MAST3: variants seen among roughly 807,000 people sequenced by gnomAD.
MAST3 encodes the protein microtubule-associated serine/threonine-protein kinase 3.
In MAST3, 43 loss-of-function variants were observed where a neutral mutation model predicts 127.0. The ratio of observed to expected loss-of-function variants is 0.34; its 90% CI spans 0.27 to 0.44. The LOEUF (loss-of-function observed/expected upper bound fraction) is 0.44, where lower values mean the gene tolerates loss of function less well. MAST3 is among the 20% of genes least tolerant of loss of function. MAST3 has a pLI of 1.00. For synonymous variants in MAST3, 785 were observed against 809.2 expected (o/e 0.97, Z 0.51); for missense variants, 1,390 against 1,919.1 (o/e 0.72, Z 5.15).
chr19:18,111,262 G>A (rs1187462354), intron 3 of MAST3, among the ~76,000 whole-genome samples: 1 of 148,796 alleles, frequency 6.7e-6, no homozygotes, highest in Non-Finnish European at 1.5e-5. Flanking sequence ...GAGAGGAGAT[G>A]CCAGTTTTCC....
At position 18,128,554 on chromosome 19, in the gene MAST3, T is replaced by C. The variant is rs557844007; in HGVS notation, c.1137+96T>C. ...GGGCTGGGTTTGCCGAGGTCTTGCA[T>C]GTAGCTTAATTAGCATCGGTGACTT... On this transcript the variant is annotated intron_variant, in intron 12 of 27. Transcript: ENST00000687212. 17 of 1,260,580 alleles carry C rather than the reference T, an allele frequency of 1.3e-5. No individual in the cohort carries two copies. The East Asian group carries it at 2.3e-4, about 17-fold the overall frequency. The allele number at this position is 1,260,580 out of a possible 1,614,324, so 78.1% of individuals were successfully genotyped here.
chr19:18,138,696 AC>A (rs200798575), intron 19 of MAST3, among the ~76,000 whole-genome samples: 16,635 of 152,114 alleles, frequency 0.11, 1,150 homozygotes, highest in Admixed American at 0.15. Flanking sequence ...ATGGGGTTTC[AC>A]CATGTTGGCC....
rs1482851990 is a variant in MAST3, at chr19:18,109,188, G to A, written c.72-1464G>A. ...TTAGAAGAACAGCATGAAGACAAGG[G>A]TAGCTGAGTGGAGTGAGTGGAGATG... On this transcript the variant is annotated intron_variant, in intron 2 of 27. Coordinates refer to ENST00000687212, the MANE Select transcript of MAST3 (RefSeq NM_001393504.1). Among the ~76,000 whole-genome samples the A allele has an allele frequency of 5.3e-5, 8 of 151,642 alleles. No individual in the cohort carries two copies. In the East Asian group the frequency reaches 7.8e-4, roughly 15 times the overall value.
At chr19:18,102,442 G>C (rs578185965) in intron 1 of MAST3, among the ~76,000 whole-genome samples, 122 of 149,894 alleles carry the variant, frequency 8.1e-4, no homozygotes, top group African/African-American at 2.9e-3. Context: ...GCCTCCCAAA[G>C]TCCTGGGATT....
At chr19:18,101,894 T>TC (rs1257872959) in intron 1 of MAST3, among the ~76,000 whole-genome samples, 1 of 140,990 alleles carries the variant, frequency 7.1e-6, no homozygotes, top group East Asian at 2.0e-4. Context: ...TTTTTTTTTT[T>TC]TTTTTTTTTT....
chr19:18,147,520 A>G lies in MAST3; in HGVS notation c.3404A>G (p.His1135Arg), dbSNP rs1340356590. The G allele has an allele frequency of 6.2e-7, 1 of 1,611,372 alleles. No homozygotes were observed. The highest frequency in any genetic ancestry group is 1.7e-5 in the Admixed American group (1 of 59,708). The change falls in exon 27 of 28, where the codon CAC becomes CGC. Residue 1135 changes from histidine (H) to arginine (R), a missense_variant. His to Arg is a conservative substitution (Grantham distance 29, BLOSUM62 0). Transcript: ENST00000687212. ...AGCCGCAGCTTCTCCTCCGGACTCCACCACTCACTGTCATCCAGTGAGAGC... is the reference window on the plus strand; with the variant it reads ...AGCCGCAGCTTCTCCTCCGGACTCCGCCACTCACTGTCATCCAGTGAGAGC... Reference protein sequence around the residue: ...HTSRSFSSGLHHSLSSSESLP... With the variant: ...HTSRSFSSGLRHSLSSSESLP...
chr19:18,142,649 CT>C (rs112135955), intron 21 of MAST3, among the ~76,000 whole-genome samples: 1,559 of 143,174 alleles, frequency 0.011, 14 homozygotes, highest in South Asian at 0.017. Flanking sequence ...TGTGCCCGGC[CT>C]TTTTTTTTTT....
At chr19:18,122,791 C>A in intron 6 of MAST3, 40 bp downstream of exon 6, 2 of 1,588,416 alleles carry the variant, frequency 1.3e-6, no homozygotes, top group Non-Finnish European at 8.6e-7. Context: ...CAGGCAGATG[C>A]CGGGTTGTGG....
chr19:18,145,599 A>G lies in MAST3; in HGVS notation c.3040-144A>G. On this transcript the variant is annotated intron_variant, in intron 24 of 27. Coordinates refer to ENST00000687212, the MANE Select transcript of MAST3 (RefSeq NM_001393504.1). This position sits in a 1 kb window ranked among gnomAD's most constrained non-coding sequence, Gnocchi z 5.9. The stretch of plus-strand genomic sequence containing the variant: ...GTAGGAGCTGGGGCTTTGATGGGTG[A>G]GTAGGAGTTCCCCCAGGATCAGGGA... 1.1e-6 allele frequency: 1 copy of G among 892,824 alleles called. No individual in the cohort carries two copies. Among genetic ancestry groups the G allele is most frequent in the South Asian group, 1.9e-5 (1 of 52,046 alleles). 55.3% of individuals were successfully genotyped at this position (892,824 alleles called of 1,614,324 possible). A position where few individuals can be genotyped will look rare whatever the true frequency, so the allele number is the denominator to read the frequency against.
At chr19:18,127,538 G>A (rs2040797583) in intron 11 of MAST3, among the ~76,000 whole-genome samples, 1 of 152,194 alleles carries the variant, frequency 6.6e-6, no homozygotes, top group African/African-American at 2.4e-5. Flanking sequence ...ACAAAAGTTA[G>A]CCAGGTGTGG....
At chr19:18,101,336 T>TTCC (rs147438175) in intron 1 of MAST3, among the ~76,000 whole-genome samples, 35,089 of 143,164 alleles carry the variant, frequency 0.25, 4,313 homozygotes, top group Non-Finnish European at 0.25. Context: ...TCCACTTATT[T>TTCC]TCCTCCTCCT....
chr19:18,132,326 GGGGAGA>G (rs1311924250), intron 15 of MAST3, among the ~76,000 whole-genome samples: 1 of 152,178 alleles, frequency 6.6e-6, no homozygotes, highest in African/African-American at 2.4e-5. Flanking sequence ...TGCCAATCCA[GGGGAGA>G]GGATGTGCAC....
At chr19:18,118,008 C>G in intron 3 of MAST3, 1 of 628,490 alleles carries the variant, frequency 1.6e-6, no homozygotes, top group Non-Finnish European at 2.0e-6. Context: ...GTTCCAGTCG[C>G]GCTCGGGGGC....
At chr19:18,102,331 C>A (rs969607961) in intron 1 of MAST3, among the ~76,000 whole-genome samples, 5 of 152,184 alleles carry the variant, frequency 3.3e-5, no homozygotes, top group African/African-American at 9.7e-5. Flanking sequence ...AGGCATGCGC[C>A]ACCACATCCT....
Position 18,145,067 on chromosome 19 carries a change from G to A in MAST3, c.2877G>A (p.Ser959=), listed in dbSNP as rs200229520. Residue 959 remains serine, a synonymous_variant, in exon 24 of 28, where the codon TCG becomes TCA. Transcript: ENST00000687212. The surrounding 1 kb of genome is among the most constrained non-coding windows in gnomAD (Gnocchi z 5.9). ...CGCGCTCTCTGTCCTCGAACCCGTC[G>A]TCCCGTGACTCTTCGCCGAGCCGAG... is the stretch of plus-strand genomic sequence containing the variant. The part of the protein sequence containing the change: ...LSPRSLSSNP[S]SRDSSPSRDP... The A allele has an allele frequency of 3.7e-6, 6 of 1,612,038 alleles. No individual in the cohort carries two copies. Among genetic ancestry groups the A allele is most frequent in the Middle Eastern group, 1.6e-4 (1 of 6,062 alleles).
At position 18,145,138 on chromosome 19, in the gene MAST3, A is replaced by G. The variant is rs2042898989; in HGVS notation, c.2948A>G (p.His983Arg). ...CGSLRPPIVI[H>R]SSGKKYGFSL... ...AGCCTGCGGCCCCCCATCGTTATCC[A>G]CAGCTCTGGCAAGAAGTACGGCTTC... The change falls in exon 24 of 28, where the codon CAC becomes CGC. Residue 983 changes from histidine (H) to arginine (R), a missense_variant. Physicochemically the swap from His to Arg is conservative, Grantham distance 29. This residue lies in a region of MAST3 where 816 missense variants were observed against 934.1 expected (regional missense o/e 0.87). Transcript: ENST00000687212. The surrounding 1 kb of genome is among the most constrained non-coding windows in gnomAD (Gnocchi z 5.9). 6.2e-7 allele frequency: 1 copy of G among 1,613,548 alleles called. No individual in the cohort carries two copies. The highest frequency in any genetic ancestry group is 2.2e-5 in the East Asian group (1 of 44,844).
At chr19:18,106,458 T>C (rs559656699) in intron 1 of MAST3, among the ~76,000 whole-genome samples, 1 of 152,186 alleles carries the variant, frequency 6.6e-6, no homozygotes, top group African/African-American at 2.4e-5. Flanking sequence ...AGGATGGTCT[T>C]GATCTCTTGA....
chr19:18,134,457 C>G, intron 15 of MAST3, 122 bp from the exon 16 acceptor site: 1 of 1,354,906 alleles, frequency 7.4e-7, no homozygotes, highest in Non-Finnish European at 9.8e-7. Context: ...AGGAGGATCG[C>G]TAGGGCCCAG....
chr19:18,142,169 C>G (rs1029386399), intron 21 of MAST3, among the ~76,000 whole-genome samples, 154 bp downstream of exon 21: 1 of 152,080 alleles, frequency 6.6e-6, no homozygotes, highest in African/African-American at 2.4e-5. Context: ...ACCTTGCTCC[C>G]TTTGGCTCTG....
Sources: gnomAD v4.1 joint callset for allele counts (sites outside exome capture counted in the v4.1 genomes callset) on GRCh38, gnomAD v4.1.1 for gene constraint, gnomAD v4.1.1 regional missense constraint, Gnocchi (gnomAD v3.1) non-coding constraint, MANE v1.5 for transcripts, NCBI Gene and HGNC (gene_info 2026-07-23, HGNC 2026-07-21) for gene names.